TSEN2: variants seen among roughly 807,000 people sequenced by gnomAD.
The protein encoded by TSEN2 is tRNA splicing endonuclease subunit 2.
In TSEN2, 54 loss-of-function variants were observed where a neutral mutation model predicts 59.2. That is an observed-to-expected ratio of 0.91 (90% CI 0.73 to 1.14). The LOEUF is 1.14. Ranked by LOEUF, TSEN2 falls within the 50% of genes most tolerant of loss-of-function variation. The pLI, the probability that TSEN2 is intolerant of heterozygous loss-of-function variation, is 0.00. For missense variants in TSEN2, 636 were observed against 576.2 expected, an observed-to-expected ratio of 1.10 and a Z score of -1.06; for synonymous variants, 195 against 198.2, an observed-to-expected ratio of 0.98 and a Z score of 0.14.
intron 1 of TSEN2, among the ~76,000 whole-genome samples, chr3:12,486,101 G>T (rs3856807): frequency 0.095 from 14,380 of 152,074 alleles, 871 homozygotes; most frequent in Admixed American, 0.17. Context: ...TTTTGGTAGG[G>T]GGTGAGTCCT....
intron 4 of TSEN2, among the ~76,000 whole-genome samples, chr3:12,499,249 C>T (rs1339967630): frequency 1.3e-5 from 2 of 152,190 alleles, no homozygotes; most frequent in Non-Finnish European, 2.9e-5. Flanking sequence ...AGGGGTATGT[C>T]CCTGAAGGAC....
chr3:12,516,709 T>C (rs1296715402), intron 7 of TSEN2, 48 bp downstream of exon 7: 1 of 1,546,568 alleles, frequency 6.5e-7, no homozygotes, highest in Admixed American at 1.7e-5. Flanking sequence ...TCCCTGTTGT[T>C]AAAAGCAGGT....
Position 12,514,045 on chromosome 3 carries a change from G to A in TSEN2, c.910-2566G>A, listed in dbSNP as rs113589021. 8.2e-3 allele frequency among the ~76,000 whole-genome samples: 1,246 copies of A among 152,328 alleles called. 14 individuals are homozygous for A. The highest frequency in any genetic ancestry group is 0.028 in the African/African-American group (1,182 of 41,574). On this transcript the variant is annotated intron_variant, in intron 6 of 11. Transcript: ENST00000284995. ...CCCCTTCTAGGCCAAGGGAACAGCA[G>A]GCAGTTTCTGTTCTGCCAGAGTTTA...
At chr3:12,524,198 T>C (rs2056896043) in intron 8 of TSEN2, among the ~76,000 whole-genome samples, 1 of 152,200 alleles carries the variant, frequency 6.6e-6, no homozygotes. Flanking sequence ...TCCCAAAGTG[T>C]AGGATTACAG....
At chr3:12,485,180 G>T (rs1351426504) in intron 1 of TSEN2, among the ~76,000 whole-genome samples, 3 of 152,178 alleles carry the variant, frequency 2.0e-5, no homozygotes, top group Non-Finnish European at 4.4e-5. Flanking sequence ...AGCGTGTTTT[G>T]GTTGGGAGAA....
chr3:12,498,699 A>G (rs148306154), intron 4 of TSEN2, among the ~76,000 whole-genome samples: 2,494 of 152,202 alleles, frequency 0.016, 42 homozygotes, highest in South Asian at 0.06. Context: ...TTTATAAGAA[A>G]TTTTCAGATT....
At chr3:12,521,984 A>G (rs912933418) in intron 8 of TSEN2, among the ~76,000 whole-genome samples, 3 of 152,314 alleles carry the variant, frequency 2.0e-5, no homozygotes, top group Non-Finnish European at 4.4e-5. Flanking sequence ...ACTCCAGCCT[A>G]GGCAACAGAG....
intron 4 of TSEN2, among the ~76,000 whole-genome samples, chr3:12,499,002 C>T (rs1435940863): frequency 3.3e-5 from 5 of 152,170 alleles, no homozygotes; most frequent in Non-Finnish European, 5.9e-5. Flanking sequence ...TCAAGTGATC[C>T]TCCCACCTCA....
At chr3:12,496,591 TG>T (rs1559289233) in intron 4 of TSEN2, 37 bp downstream of exon 4, 2 of 1,610,950 alleles carry the variant, frequency 1.2e-6, no homozygotes, top group East Asian at 4.5e-5. Flanking sequence ...GTCAAAATGA[TG>T]GTTTAAGTCA....
upstream of TSEN2, among the ~76,000 whole-genome samples, chr3:12,480,528 G>GTTTTTTTTTTTTTTTTTTTTT (rs752340308): frequency 8.7e-5 from 8 of 91,738 alleles, no homozygotes; most frequent in East Asian, 2.7e-4. Context: ...TTGTTTCTTT[G>GTTTTTTTTTTTTTTTTTTTTT]TTTTTTTTTT....
intron 8 of TSEN2, among the ~76,000 whole-genome samples, chr3:12,524,273 T>C (rs2056901861): frequency 6.6e-6 from 1 of 152,194 alleles, no homozygotes; most frequent in Non-Finnish European, 1.5e-5. Context: ...GATTATTATA[T>C]CTACCTTTTA....
downstream of TSEN2, among the ~76,000 whole-genome samples, chr3:12,536,452 C>T (rs1053070909): frequency 4.6e-5 from 7 of 152,020 alleles, no homozygotes; most frequent in Admixed American, 1.3e-4. Context: ...ATGTGTGCTC[C>T]GGGGAGTGCT....
At chr3:12,531,429 G>T in intron 10 of TSEN2, 141 bp from the exon 11 acceptor site, 1 of 635,490 alleles carries the variant, frequency 1.6e-6, no homozygotes. Context: ...GTTTCCCCAG[G>T]AGGAAACTGA....
At chr3:12,520,804 G>A (rs183556197) in intron 8 of TSEN2, among the ~76,000 whole-genome samples, 1 of 151,948 alleles carries the variant, frequency 6.6e-6, no homozygotes, top group Admixed American at 6.6e-5. Context: ...AAAATTTTTA[G>A]GTTCAAGGGT....
chr3:12,486,320 A>G (rs1336292977), intron 1 of TSEN2, among the ~76,000 whole-genome samples: 2 of 152,206 alleles, frequency 1.3e-5, no homozygotes, highest in Non-Finnish European at 2.9e-5. Context: ...TGGTAAATGC[A>G]GTCTTTTCTC....
chr3:12,503,523 A>G lies in TSEN2; in HGVS notation c.570A>G (p.Leu190=). 4 of 1,613,630 alleles carry G rather than the reference A, an allele frequency of 2.5e-6. No individual in the cohort carries two copies. The highest frequency in any genetic ancestry group is 3.4e-6 in the Non-Finnish European group (4 of 1,179,538). ...SGGVGDPREP[L]GCLQEGSGCH... ...GTGTGGGTGATCCCCGTGAGCCATT[A>G]GGCTGCCTGCAGGAGGGCTCTGGCT... The change falls in exon 5 of 12, where the codon TTA becomes TTG. Residue 190 remains leucine (L), a synonymous_variant. Coordinates refer to ENST00000284995, the MANE Select transcript of TSEN2 (RefSeq NM_025265.4).
At chr3:12,513,012 T>C (rs749257671) in intron 6 of TSEN2, among the ~76,000 whole-genome samples, 2 of 152,214 alleles carry the variant, frequency 1.3e-5, no homozygotes, top group African/African-American at 2.4e-5. Context: ...GATGTGATTG[T>C]CAACCTCTAC....
chr3:12,503,159 G>T (rs988423290), intron 4 of TSEN2, 103 bp from the exon 5 acceptor site: 4 of 1,291,836 alleles, frequency 3.1e-6, no homozygotes, highest in Non-Finnish European at 2.2e-6. Context: ...TAATACTGCT[G>T]TAAACATTTT....
chr3:12,498,008 C>A (rs1026562959), intron 4 of TSEN2, among the ~76,000 whole-genome samples: 1 of 152,028 alleles, frequency 6.6e-6, no homozygotes, highest in African/African-American at 2.4e-5. Context: ...CTAATCTCTG[C>A]CTCTGTGGTC....
Sources: allele counts gnomAD v4.1 joint callset (sites outside exome capture counted in the v4.1 genomes callset), GRCh38; gene constraint gnomAD v4.1.1; transcripts MANE v1.5; gene names NCBI Gene and HGNC (gene_info 2026-07-23, HGNC 2026-07-21).